RIGI: variants seen among roughly 807,000 people sequenced by gnomAD.
The protein encoded by RIGI is RNA sensor RIG-I.
At chr9:32,477,931 A>C in the RIGI span, among the ~76,000 whole-genome samples, 10 of 152,168 alleles carry the variant, frequency 6.6e-5, no homozygotes, top group Admixed American at 6.5e-4. Context: ...TCTCAAAAAA[A>C]AGGAAAAAGA....
At chr9:32,487,509 A>C in the RIGI span, 1 of 1,614,196 alleles carries the variant, frequency 6.2e-7, no homozygotes, top group African/African-American at 1.3e-5. Context: ...CAGTTCCTCC[A>C]GATTGTGTTT....
chr9:32,501,138 T>A, the RIGI span, among the ~76,000 whole-genome samples: 1 of 151,980 alleles, frequency 6.6e-6, no homozygotes, highest in Non-Finnish European at 1.5e-5. Context: ...ACTCTTCCCA[T>A]CCTCTCTGGA....
At chr9:32,499,375 G>A in the RIGI span, among the ~76,000 whole-genome samples, 200 of 135,372 alleles carry the variant, frequency 1.5e-3, no homozygotes, top group Non-Finnish European at 2.4e-3. Flanking sequence ...ATGATGTAAG[G>A]AATACAAATG....
At chr9:32,457,322 C>T in the RIGI span, 3 of 1,614,124 alleles carry the variant, frequency 1.9e-6, no homozygotes, top group East Asian at 6.7e-5. Flanking sequence ...AATATCTTTG[C>T]TCTTTTTTCA....
At chr9:32,517,644 C>T in the RIGI span, among the ~76,000 whole-genome samples, 2 of 152,182 alleles carry the variant, frequency 1.3e-5, no homozygotes, top group Non-Finnish European at 2.9e-5. Context: ...AGTTTGGCAG[C>T]AGGTTATAAA....
chr9:32,467,820 G>A, the RIGI span: 1 of 1,612,968 alleles, frequency 6.2e-7, no homozygotes. Context: ...TGACAAGATT[G>A]CACTGTGCAA....
chr9:32,457,718 T>C, the RIGI span, among the ~76,000 whole-genome samples: 1 of 152,182 alleles, frequency 6.6e-6, no homozygotes, highest in African/African-American at 2.4e-5. Context: ...ATACTCATTA[T>C]TCAAAAACAG....
the RIGI span, among the ~76,000 whole-genome samples, chr9:32,504,654 C>T: frequency 6.7e-6 from 1 of 149,822 alleles, no homozygotes; most frequent in East Asian, 1.9e-4. Flanking sequence ...CACTGCACTC[C>T]AGCCCAGGCA....
At chr9:32,500,902 C>G in the RIGI span, 2 of 1,614,114 alleles carry the variant, frequency 1.2e-6, no homozygotes, top group Non-Finnish European at 1.7e-6. Context: ...CCATTGGGCC[C>G]TTGTTGTTTT....
chr9:32,513,154 T>A, the RIGI span, among the ~76,000 whole-genome samples: 2 of 151,812 alleles, frequency 1.3e-5, no homozygotes, highest in African/African-American at 2.4e-5. Context: ...CCCAAGGTAA[T>A]TTATAGATTC....
the RIGI span, among the ~76,000 whole-genome samples, chr9:32,521,156 A>AAAAAAAC: frequency 6.6e-6 from 1 of 150,582 alleles, no homozygotes; most frequent in Non-Finnish European, 1.5e-5. Flanking sequence ...AAAAAAAAAA[A>AAAAAAAC]AAAAAACTTC....
At chr9:32,504,937 T>TATAAA in the RIGI span, among the ~76,000 whole-genome samples, 1 of 119,088 alleles carries the variant, frequency 8.4e-6, no homozygotes. Context: ...AGATATAATA[T>TATAAA]ATATTTAAAC....
chr9:32,480,353 T>A, the RIGI span: 1 of 1,581,754 alleles, frequency 6.3e-7, no homozygotes, highest in South Asian at 1.1e-5. Flanking sequence ...ATCATTATAT[T>A]TCTGTTGAAA....
At chr9:32,477,104 G>A in the RIGI span, 3 of 1,613,916 alleles carry the variant, frequency 1.9e-6, no homozygotes, top group South Asian at 1.1e-5. Context: ...GGGATCCCTG[G>A]AAACACTTTC....
the RIGI span, among the ~76,000 whole-genome samples, chr9:32,465,515 A>G: frequency 6.6e-6 from 1 of 152,214 alleles, no homozygotes; most frequent in South Asian, 2.1e-4. Flanking sequence ...GCCAGGCGCT[A>G]AGAGATGCAA....
At chr9:32,522,416 C>T in the RIGI span, among the ~76,000 whole-genome samples, 6 of 152,130 alleles carry the variant, frequency 3.9e-5, no homozygotes, top group African/African-American at 1.2e-4. Flanking sequence ...TAATAAAAAT[C>T]TGTTTTCTTT....
chr9:32,505,608 C>T, the RIGI span, among the ~76,000 whole-genome samples: 12 of 152,170 alleles, frequency 7.9e-5, 1 homozygote, highest in African/African-American at 2.9e-4. Context: ...ACGTAATATC[C>T]TCTAGAAACC....
At chr9:32,501,020 C>A in the RIGI span, 1 of 1,517,116 alleles carries the variant, frequency 6.6e-7, no homozygotes. Context: ...GATCACCAGA[C>A]CTTCCCAAAT....
chr9:32,459,311 A>C, the RIGI span: 1 of 1,558,542 alleles, frequency 6.4e-7, no homozygotes, highest in Non-Finnish European at 8.7e-7. Context: ...ATATTTCACC[A>C]ACAGTAAGCT....
Sources: gnomAD v4.1 joint callset for allele counts (sites outside exome capture counted in the v4.1 genomes callset) on GRCh38, gnomAD v4.1.1 for gene constraint, MANE v1.5 for transcripts, NCBI Gene and HGNC (gene_info 2026-07-23, HGNC 2026-07-21) for gene names.